The following CHD4 variants were observed in gnomAD, a reference collection of about 807,000 sequenced individuals.
CHD4 encodes the protein ATP-dependent chromatin remodeler CHD4.
Under a neutral mutation model 235.5 loss-of-function variants are expected in CHD4, and 35 were observed. The ratio of observed to expected loss-of-function variants is 0.15; its 90% CI spans 0.11 to 0.20. CHD4 has a LOEUF of 0.20. CHD4 is among the 10% of genes least tolerant of loss of function. The pLI is 1.00. For missense variants in CHD4, 1,329 were observed against 2,432.3 expected (o/e 0.55, Z 9.54); for synonymous variants, 900 against 850.2 (o/e 1.06, Z -1.02).
chr12:6,575,535 C>G (rs977979422), intron 37 of CHD4, among the ~76,000 whole-genome samples: 2 of 151,742 alleles, frequency 1.3e-5, no homozygotes, highest in African/African-American at 4.8e-5. Context: ...CAGTAAGTCA[C>G]TAAGTCCAAT....
At chr12:6,583,598 C>T in intron 25 of CHD4, 1 of 497,310 alleles carries the variant, frequency 2.0e-6, no homozygotes, top group Non-Finnish European at 3.5e-6. Context: ...TCAAGAAAAA[C>T]ATGGGATAGA....
Position 6,606,284 on chromosome 12 carries a change from T to TG in CHD4, c.89dup (p.Pro31ThrfsTer6). ...TGGGGAAGATGTTACCTGGGTGGGGTGGGGGCAGGCTGTTGTTCAAAAGTG... is the reference window on the plus strand; with the variant it reads ...TGGGGAAGATGTTACCTGGGTGGGGTGGGGGGCAGGCTGTTGTTCAAAAGTG... On this transcript the variant is annotated frameshift_variant, in exon 2 of 40. Transcript: ENST00000544040. LOFTEE classifies it high-confidence loss of function. The TG allele has an allele frequency of 6.3e-7, 1 of 1,575,954 alleles. No homozygotes were observed. Among genetic ancestry groups the TG allele is most frequent in the East Asian group, 2.5e-5 (1 of 39,654 alleles).
intron 10 of CHD4, 148 bp from the exon 11 acceptor site, chr12:6,598,573 G>A: frequency 3.1e-6 from 2 of 637,000 alleles, no homozygotes; most frequent in Non-Finnish European, 5.3e-6. Flanking sequence ...CACCTTGGGA[G>A]GCCGAGGCGG....
chr12:6,571,129 G>A, intron 38 of CHD4, 97 bp from the exon 39 acceptor site: 2 of 1,406,074 alleles, frequency 1.4e-6, no homozygotes, highest in Non-Finnish European at 9.8e-7. Flanking sequence ...CAGTGACCAA[G>A]TAACTGTGAT....
chr12:6,581,066 T>C lies in CHD4; in HGVS notation c.4887A>G (p.Glu1629=), dbSNP rs775086346. ...EKAEVKERTE[E]PMETEPKGAA... ...TACCTTTGGGCTCTGTCTCCATAGG[T>C]TCCTCTGTTCTCTCCTTCACCTCTG... The change falls in exon 33 of 40, where the codon GAA becomes GAG. Residue 1629 remains glutamate (E), a synonymous_variant. Transcript: ENST00000544040. 9 of 1,613,716 alleles carry C rather than the reference T, an allele frequency of 5.6e-6. No individual in the cohort carries two copies. Among genetic ancestry groups the C allele is most frequent in the Middle Eastern group, 1.6e-4 (1 of 6,084 alleles).
intron 2 of CHD4, 152 bp from the exon 3 acceptor site, chr12:6,602,649 C>G (rs1003401951): frequency 1.5e-5 from 16 of 1,101,026 alleles, no homozygotes; most frequent in Non-Finnish European, 2.1e-5. Flanking sequence ...GAAGCTGATA[C>G]CCAGGACAAA....
At chr12:6,575,980 C>G (rs2136194285) in intron 37 of CHD4, among the ~76,000 whole-genome samples, 1 of 152,286 alleles carries the variant, frequency 6.6e-6, no homozygotes, top group Non-Finnish European at 1.5e-5. Context: ...TTCAAAACTT[C>G]ATTCCAATGC....
chr12:6,589,211 C>T (rs1948350763), intron 22 of CHD4, among the ~76,000 whole-genome samples: 1 of 152,050 alleles, frequency 6.6e-6, no homozygotes, highest in Admixed American at 6.6e-5. Flanking sequence ...GAATATAAAA[C>T]CTCATTAGGC....
At position 6,593,258 on chromosome 12, in the gene CHD4, A is replaced by T. The variant is rs561276432; in HGVS notation, c.2515-30T>A. 3.8e-5 allele frequency: 62 copies of T among 1,613,676 alleles called. No homozygotes were observed. The South Asian group carries it at 6.7e-4, about 17-fold the overall frequency. On this transcript the variant is annotated intron_variant, in intron 16 of 39. Coordinates refer to ENST00000544040, the MANE Select transcript of CHD4 (RefSeq NM_001273.5). The surrounding 1 kb of genome is among the most constrained non-coding windows in gnomAD (Gnocchi z 4.9). ...ACATGAAGGCAACTTGGTCACTACT[A>T]GTCAGTTCCTCTGTGTAAGCACAAC...
At chr12:6,588,540 G>A in intron 22 of CHD4, 118 bp from the exon 23 acceptor site, 3 of 1,084,036 alleles carry the variant, frequency 2.8e-6, no homozygotes, top group Non-Finnish European at 3.9e-6. Context: ...CACTTTGGGA[G>A]GCAGAGACAG....
At chr12:6,600,037 G>T in intron 9 of CHD4, 25 bp from the exon 10 acceptor site, 2 of 1,611,644 alleles carry the variant, frequency 1.2e-6, no homozygotes, top group Non-Finnish European at 1.7e-6. Context: ...CACAGATTCA[G>T]ATTATTACCC....
At chr12:6,584,493 A>T (rs1948247798) in intron 25 of CHD4, 1 of 152,098 alleles carries the variant, frequency 6.6e-6, no homozygotes, top group South Asian at 2.1e-4. Flanking sequence ...TCGACTGCCA[A>T]GTTTAAGCAA....
chr12:6,581,475 T>C, intron 31 of CHD4, 87 bp from the exon 32 acceptor site: 1 of 1,533,176 alleles, frequency 6.5e-7, no homozygotes, highest in Non-Finnish European at 9.0e-7. Flanking sequence ...TCATCTTAAA[T>C]TGTCCTCTCG....
At chr12:6,588,966 G>A (rs1948346585) in intron 22 of CHD4, among the ~76,000 whole-genome samples, 4 of 152,090 alleles carry the variant, frequency 2.6e-5, no homozygotes, top group Middle Eastern at 3.4e-3. Context: ...TGTCAGAATA[G>A]GCCAGGTGCA....
At position 6,591,649 on chromosome 12, in the gene CHD4, G is replaced by C. The variant is rs183881071; in HGVS notation, c.3222+45C>G. On this transcript the variant is annotated intron_variant, in intron 21 of 39. Coordinates refer to ENST00000544040, the MANE Select transcript of CHD4 (RefSeq NM_001273.5). ...GTAATCCCTTTCCTTAGGTCACTAA[G>C]GGTTGTCTATGACTGTTCCCTAAAG... 56 of 1,613,972 alleles carry C rather than the reference G, an allele frequency of 3.5e-5. No individual in the cohort carries two copies. In the African/African-American group the frequency reaches 6.8e-4, roughly 20 times the overall value.
chr12:6,588,038 C>A, intron 23 of CHD4, 89 bp from the exon 24 acceptor site: 1 of 1,374,612 alleles, frequency 7.3e-7, no homozygotes. Context: ...AAATTCAGTA[C>A]AAGGCAAGGT....
chr12:6,594,946 G>A (rs1273669604), intron 14 of CHD4, among the ~76,000 whole-genome samples: 3 of 152,080 alleles, frequency 2.0e-5, no homozygotes, highest in South Asian at 2.1e-4. Context: ...GTAAATAATC[G>A]TTATGTCCCT....
Position 6,602,175 on chromosome 12 carries a change from G to C in CHD4, c.223C>G (p.Arg75Gly), listed in dbSNP as rs749142192. 1.9e-6 allele frequency: 3 copies of C among 1,613,778 alleles called. No homozygotes were observed. Among genetic ancestry groups the C allele is most frequent in the Non-Finnish European group, 2.5e-6 (3 of 1,179,904 alleles). The change falls in exon 4 of 40, where the codon CGT (arginine) becomes GGT (glycine). Residue 75 changes from arginine (R) to glycine (G), a missense_variant and splice_region_variant. Around this residue, in one of 26 missense-constraint regions of CHD4, gnomAD observed 213 missense variants for 177.5 expected, o/e 1.20. Coordinates refer to ENST00000544040, the MANE Select transcript of CHD4 (RefSeq NM_001273.5). Reference sequence around the variant, plus strand: ...CCCAGCTGCCGGCATAAGAGCATACGCTGGAGCAGGGCAAGGGGGGAAGAG... The same window carrying C: ...CCCAGCTGCCGGCATAAGAGCATACCCTGGAGCAGGGCAAGGGGGGAAGAG... ...IPKSKRQKKE[R>G]MLLCRQLGDS...
chr12:6,587,944 A>C lies in CHD4; in HGVS notation c.3471T>G (p.Phe1157Leu). The C allele has an allele frequency of 6.2e-7, 1 of 1,613,842 alleles. No individual in the cohort carries two copies. The highest frequency in any genetic ancestry group is 8.5e-7 in the Non-Finnish European group (1 of 1,179,710). The change falls in exon 24 of 40, where the codon TTT becomes TTG. Residue 1157 changes from phenylalanine (F) to leucine (L), a missense_variant. Transcript: ENST00000544040. ...DWNPHNDIQAFSRAHRIGQNK... is the reference protein window; with the variant it reads ...DWNPHNDIQALSRAHRIGQNK... ...TTTGCCCAATCCGGTGAGCTCTGCTAAAGGCCTGGAGTTGAACAGGAAATA... is the reference window on the plus strand; with the variant it reads ...TTTGCCCAATCCGGTGAGCTCTGCTCAAGGCCTGGAGTTGAACAGGAAATA...
Sources: gnomAD v4.1 joint callset for allele counts (sites outside exome capture counted in the v4.1 genomes callset) on GRCh38, gnomAD v4.1.1 for gene constraint, gnomAD v4.1.1 regional missense constraint, Gnocchi (gnomAD v3.1) non-coding constraint, MANE v1.5 for transcripts, NCBI Gene and HGNC (gene_info 2026-07-23, HGNC 2026-07-21) for gene names.